Variants in NRCAM observed in about 807,000 individuals in gnomAD.
The protein encoded by NRCAM is neuronal cell adhesion molecule, also known as NgCAM-related cell adhesion molecule.
A neutral mutation model predicts 156.5 loss-of-function variants in NRCAM; 83 were observed. The observed-to-expected ratio is 0.53, with a 90% CI of 0.44 to 0.64. The LOEUF (loss-of-function observed/expected upper bound fraction) is 0.64. Ranked by LOEUF, NRCAM falls within the 30% of genes least tolerant of loss-of-function variation. NRCAM has a pLI of 0.00. For synonymous variants in NRCAM, 538 were observed against 563.9 expected, an observed-to-expected ratio of 0.95 and a Z score of 0.65; for missense variants, 1,417 against 1,597.3, an observed-to-expected ratio of 0.89 and a Z score of 1.92.
intron 28 of NRCAM, among the ~76,000 whole-genome samples, chr7:108,173,607 CT>C (rs2152122939): frequency 6.6e-6 from 1 of 152,296 alleles, no homozygotes; most frequent in African/African-American, 2.4e-5. Context: ...GTAAGCCATA[CT>C]TAACTACTGC....
In NRCAM at chr7:108,177,916, T is replaced by A. The variant is rs1355136907; in HGVS notation, c.2974+74A>T. The A allele has an allele frequency of 2.9e-6, 4 of 1,402,232 alleles. No individual in the cohort carries two copies. In the South Asian group the frequency reaches 5.6e-5, roughly 20 times the overall value. The allele number at this position is 1,402,232 out of a possible 1,614,324, so 86.9% of individuals were successfully genotyped here. On this transcript the variant is annotated intron_variant, in intron 26 of 32. Coordinates refer to ENST00000379028, the MANE Select transcript of NRCAM (RefSeq NM_001037132.4). ...TCACTACGTACCCCATGAGGAGGTA[T>A]AATTATTTGTCAATTAAAATAATAA... is the stretch of plus-strand genomic sequence containing the variant.
intron 11 of NRCAM, among the ~76,000 whole-genome samples, chr7:108,213,954 T>C (rs775769585): frequency 6.6e-6 from 1 of 152,172 alleles, no homozygotes; most frequent in Non-Finnish European, 1.5e-5. Context: ...GCCGAATTGA[T>C]TGTGGTGGAT....
chr7:108,156,067 C>G (rs920576200), intron 32 of NRCAM, among the ~76,000 whole-genome samples: 1 of 152,110 alleles, frequency 6.6e-6, no homozygotes, highest in African/African-American at 2.4e-5. Context: ...GCTCAAGTAA[C>G]ATTCATGACC....
chr7:108,265,693 G>C (rs998577901), intron 3 of NRCAM, among the ~76,000 whole-genome samples: 1 of 152,194 alleles, frequency 6.6e-6, no homozygotes, highest in Non-Finnish European at 1.5e-5. Flanking sequence ...ATCTTTACAG[G>C]AGTTCTCTGA....
intron 2 of NRCAM, among the ~76,000 whole-genome samples, chr7:108,378,607 G>C (rs2099686259): frequency 7.9e-6 from 1 of 126,684 alleles, no homozygotes; most frequent in South Asian, 2.6e-4. Flanking sequence ...ATAGACTCAG[G>C]AAACAAAACA....
chr7:108,264,989 C>T (rs1317856689), intron 3 of NRCAM, among the ~76,000 whole-genome samples: 1 of 152,166 alleles, frequency 6.6e-6, no homozygotes, highest in Non-Finnish European at 1.5e-5. Flanking sequence ...GGAGCCGAGA[C>T]ATCTGGATGT....
intron 3 of NRCAM, among the ~76,000 whole-genome samples, chr7:108,291,586 A>G (rs1017558861): frequency 6.6e-6 from 1 of 152,154 alleles, no homozygotes; most frequent in African/African-American, 2.4e-5. Context: ...TTATGTATGT[A>G]TATACTTAAT....
chr7:108,180,571 A>C (rs1216464516), intron 24 of NRCAM, 144 bp from the exon 25 acceptor site: 1 of 639,546 alleles, frequency 1.6e-6, no homozygotes, highest in Non-Finnish European at 2.7e-6. Flanking sequence ...ATGGATATTG[A>C]TTCTGAGGCA....
intron 3 of NRCAM, among the ~76,000 whole-genome samples, chr7:108,307,320 C>T (rs922709225): frequency 9.8e-5 from 15 of 152,320 alleles, no homozygotes; most frequent in South Asian, 2.1e-4. Flanking sequence ...ACTGCTATAA[C>T]GGCTGGCATG....
chr7:108,147,813 TG>T lies in NRCAM; in HGVS notation c.*2096del, dbSNP rs1448199093. 1 of 152,662 alleles carries T rather than the reference TG, an allele frequency of 6.6e-6. No homozygotes were observed. Among genetic ancestry groups the T allele is most frequent in the African/African-American group, 2.4e-5 (1 of 41,462 alleles). 9.5% of individuals were successfully genotyped at this position (152,662 alleles called of 1,614,324 possible). On this transcript the variant is annotated 3_prime_UTR_variant, in exon 33 of 33. Coordinates refer to ENST00000379028, the MANE Select transcript of NRCAM (RefSeq NM_001037132.4). ...CACATTTAATTTTTAATACCAAATC[TG>T]TTGCACTATTACAGAAGTGACCCTT...
intron 3 of NRCAM, among the ~76,000 whole-genome samples, chr7:108,298,180 T>C (rs1474784156): frequency 6.6e-6 from 1 of 152,200 alleles, no homozygotes; most frequent in South Asian, 2.1e-4. Context: ...TTATTACCAA[T>C]AATCATATTA....
chr7:108,180,245 T>C lies in NRCAM; in HGVS notation c.2829A>G (p.Arg943=), dbSNP rs1246392699. The C allele has an allele frequency of 6.2e-7, 1 of 1,614,198 alleles. No homozygotes were observed. Among genetic ancestry groups the C allele is most frequent in the Non-Finnish European group, 8.5e-7 (1 of 1,180,020 alleles). ...GKGEGPASPD[R]VFNTPEGVPS... is the part of the protein sequence containing the mutation. ...TACCTCCTTCTGGAGTATTAAAGACTCTGTCAGGGCTGGCTGGGCCCTCCC... is the reference window on the plus strand; with the variant it reads ...TACCTCCTTCTGGAGTATTAAAGACCCTGTCAGGGCTGGCTGGGCCCTCCC... The change falls in exon 25 of 33, where the codon AGA becomes AGG. Residue 943 remains arginine, a synonymous_variant. Coordinates refer to ENST00000379028, the MANE Select transcript of NRCAM (RefSeq NM_001037132.4).
At chr7:108,204,640 A>G (rs1426590833) in intron 13 of NRCAM, among the ~76,000 whole-genome samples, 1 of 152,152 alleles carries the variant, frequency 6.6e-6, no homozygotes, top group Non-Finnish European at 1.5e-5. Context: ...ACCATGTGGT[A>G]TTCCTCTCCC....
chr7:108,386,795 C>A (rs1235612888), intron 2 of NRCAM, among the ~76,000 whole-genome samples: 1 of 152,082 alleles, frequency 6.6e-6, no homozygotes, highest in Non-Finnish European at 1.5e-5. Flanking sequence ...TATTTTCTTT[C>A]ATTTGCAAAA....
intron 8 of NRCAM, among the ~76,000 whole-genome samples, chr7:108,228,090 G>C (rs557716585): frequency 3.3e-5 from 5 of 152,182 alleles, no homozygotes; most frequent in African/African-American, 9.7e-5. Context: ...GGGAGGCCAA[G>C]GTGGGTGGAT....
intron 17 of NRCAM, among the ~76,000 whole-genome samples, chr7:108,193,784 T>C (rs2073536678): frequency 6.6e-6 from 1 of 152,168 alleles, no homozygotes; most frequent in Non-Finnish European, 1.5e-5. Context: ...CCATCCTGAA[T>C]TACACAAGAG....
At chr7:108,249,513 T>TA (rs993297408) in intron 3 of NRCAM, among the ~76,000 whole-genome samples, 31 of 151,620 alleles carry the variant, frequency 2.0e-4, no homozygotes, top group African/African-American at 6.3e-4. Flanking sequence ...TCTGCCTTTA[T>TA]AAAAAAAAAT....
chr7:108,429,765 T>G (rs1274375268), intron 1 of NRCAM, among the ~76,000 whole-genome samples: 1 of 152,182 alleles, frequency 6.6e-6, no homozygotes, highest in African/African-American at 2.4e-5. Context: ...AGCTTAAACT[T>G]CCACTGGGGA....
intron 2 of NRCAM, among the ~76,000 whole-genome samples, chr7:108,332,705 C>A (rs921215660): frequency 6.6e-6 from 1 of 152,144 alleles, no homozygotes; most frequent in African/African-American, 2.4e-5. Context: ...CTTTATATAG[C>A]GCCTCTTTAT....
Sources: allele counts gnomAD v4.1 joint callset (sites outside exome capture counted in the v4.1 genomes callset), GRCh38; gene constraint gnomAD v4.1.1; transcripts MANE v1.5; gene names NCBI Gene and HGNC (gene_info 2026-07-23, HGNC 2026-07-21).